UHRF2: variants seen among roughly 807,000 people sequenced by gnomAD.
The protein encoded by UHRF2 is ubiquitin like with PHD and ring finger domains 2, also known as E3 ubiquitin-protein ligase UHRF2.
A neutral mutation model predicts 96.8 loss-of-function variants in UHRF2; 23 were observed. The observed-to-expected ratio is 0.24, with a 90% confidence interval of 0.17 to 0.34. The LOEUF (loss-of-function observed/expected upper bound fraction) is 0.34, where lower values mean the gene tolerates loss of function less well. Ranked by LOEUF, UHRF2 falls within the 10% of genes least tolerant of loss-of-function variation. UHRF2 has a pLI of 1.00. For missense variants in UHRF2, 685 were observed against 981.5 expected (o/e 0.70, Z 4.04); for synonymous variants, 385 against 332.6 (o/e 1.16, Z -1.72).
intron 3 of UHRF2, among the ~76,000 whole-genome samples, chr9:6,458,705 C>T (rs1822331172): frequency 6.6e-6 from 1 of 152,124 alleles, no homozygotes; most frequent in South Asian, 2.1e-4. Context: ...CCAGCAGTCC[C>T]ATTACTGGGT....
chr9:6,503,398 C>T (rs1816401640), intron 14 of UHRF2, among the ~76,000 whole-genome samples: 1 of 150,862 alleles, frequency 6.6e-6, no homozygotes, highest in South Asian at 2.1e-4. Context: ...AACTAGTTTT[C>T]CTTCTAGCTT....
At chr9:6,460,979 A>C (rs1822501610) in intron 4 of UHRF2, among the ~76,000 whole-genome samples, 188 bp downstream of exon 4, 1 of 152,236 alleles carries the variant, frequency 6.6e-6, no homozygotes, top group Non-Finnish European at 1.5e-5. Context: ...TTAGATCTTC[A>C]ACTTTAAGGT....
chr9:6,446,838 C>G (rs1452658863), intron 3 of UHRF2, among the ~76,000 whole-genome samples: 1 of 151,762 alleles, frequency 6.6e-6, no homozygotes, highest in Non-Finnish European at 1.5e-5. Flanking sequence ...GAGTGAGACT[C>G]TGTCTCAAAA....
chr9:6,433,882 A>G (rs1820689412), intron 2 of UHRF2, 32 bp from the exon 3 acceptor site: 1 of 1,583,788 alleles, frequency 6.3e-7, no homozygotes, highest in African/African-American at 1.4e-5. Flanking sequence ...GACAAAATTA[A>G]GCTTCATTAA....
intron 8 of UHRF2, among the ~76,000 whole-genome samples, chr9:6,485,994 T>C (rs1013258995): frequency 3.3e-5 from 5 of 151,970 alleles, no homozygotes; most frequent in African/African-American, 1.2e-4. Flanking sequence ...GTTTGGGTAA[T>C]ATTGAGTAGT....
intron 9 of UHRF2, chr9:6,492,854 T>A (rs1440674114): frequency 6.7e-6 from 1 of 148,946 alleles, no homozygotes; most frequent in Non-Finnish European, 1.5e-5. Flanking sequence ...TTTTTTTTTT[T>A]ACATTTAGTA....
At chr9:6,471,853 A>T (rs1823259923) in intron 4 of UHRF2, among the ~76,000 whole-genome samples, 1 of 152,220 alleles carries the variant, frequency 6.6e-6, no homozygotes, top group African/African-American at 2.4e-5. Context: ...TGGTGGGAAT[A>T]GGTTCCAAAC....
chr9:6,481,867 A>G (rs546732206), intron 7 of UHRF2, 101 bp downstream of exon 7: 15 of 1,531,282 alleles, frequency 9.8e-6, no homozygotes, highest in South Asian at 1.3e-5. Flanking sequence ...CAGTATCATT[A>G]TTTGTTAATA....
intron 2 of UHRF2, among the ~76,000 whole-genome samples, chr9:6,430,808 C>G (rs1007476101): frequency 6.6e-6 from 1 of 152,218 alleles, no homozygotes; most frequent in African/African-American, 2.4e-5. Flanking sequence ...CCTCTGCCTC[C>G]TGACCAAACC....
chr9:6,482,111 C>G lies in UHRF2; in HGVS notation c.1392+12C>G. 2 of 1,609,126 alleles carry G rather than the reference C, an allele frequency of 1.2e-6. No homozygotes were observed. The highest frequency in any genetic ancestry group is 1.7e-6 in the Non-Finnish European group (2 of 1,175,954). On this transcript the variant is annotated intron_variant, in intron 8 of 15. Coordinates refer to ENST00000276893, the MANE Select transcript of UHRF2 (RefSeq NM_152896.3). ...GATTTAGAGTTCAGGTATGTTTTAACTTGGGCTTAGTTGAAAGGGGAGAAT... is the reference window on the plus strand; with the variant it reads ...GATTTAGAGTTCAGGTATGTTTTAAGTTGGGCTTAGTTGAAAGGGGAGAAT...
Position 6,497,202 on chromosome 9 carries a change from T to C in UHRF2, c.1609T>C (p.Leu537=). ...GACTTCTTTGTTGTTTTTTAGGGCA[T>C]TGGCCCTAAACTGTGATGCTCCATT... ...DQTLTNMNRA[L]ALNCDAPLDD... Residue 537 remains leucine (L), a synonymous_variant, in exon 11 of 16, where the codon TTG becomes CTG. Coordinates refer to ENST00000276893, the MANE Select transcript of UHRF2 (RefSeq NM_152896.3). 1 of 1,613,170 alleles carries C rather than the reference T, an allele frequency of 6.2e-7. No individual in the cohort carries two copies. Among genetic ancestry groups the C allele is most frequent in the Non-Finnish European group, 8.5e-7 (1 of 1,179,598 alleles).
At chr9:6,480,751 G>A (rs16924628) in intron 6 of UHRF2, among the ~76,000 whole-genome samples, 1,908 of 152,244 alleles carry the variant, frequency 0.013, 39 homozygotes, top group African/African-American at 0.043. Flanking sequence ...CAACTAGAAA[G>A]GACTTTACTT....
chr9:6,422,958 C>T (rs2130728942), intron 2 of UHRF2: 2 of 298,062 alleles, frequency 6.7e-6, no homozygotes, highest in East Asian at 1.1e-4. Context: ...CTTTTCAAAT[C>T]TAATAAATTG....
At chr9:6,445,596 C>T (rs989582367) in intron 3 of UHRF2, among the ~76,000 whole-genome samples, 4 of 152,136 alleles carry the variant, frequency 2.6e-5, no homozygotes, top group Admixed American at 2.0e-4. Context: ...CTTACTGTGT[C>T]ACACAGGTTG....
At chr9:6,414,585 T>A (rs1255858641) in intron 1 of UHRF2, among the ~76,000 whole-genome samples, 1 of 152,212 alleles carries the variant, frequency 6.6e-6, no homozygotes, top group Non-Finnish European at 1.5e-5. Context: ...TTCTTTGTCT[T>A]CATGTTGTTG....
At chr9:6,429,720 G>A (rs1820465980) in intron 2 of UHRF2, among the ~76,000 whole-genome samples, 1 of 152,210 alleles carries the variant, frequency 6.6e-6, no homozygotes. Flanking sequence ...TATGCTTGCT[G>A]GGTTGGCACG....
intron 2 of UHRF2, among the ~76,000 whole-genome samples, chr9:6,425,971 G>C (rs116801368): frequency 0.01 from 1,575 of 152,280 alleles, 34 homozygotes; most frequent in African/African-American, 0.037. Flanking sequence ...CCAGAGTTTA[G>C]AAGCTGCTGC....
rs184501897 is a variant in UHRF2 at position 6,482,437 on chromosome 9, C to T, written c.1392+338C>T. Among the ~76,000 whole-genome samples the T allele has an allele frequency of 5.9e-5, 9 of 152,236 alleles. No individual in the cohort carries two copies. In the East Asian group the frequency reaches 1.2e-3, roughly 20 times the overall value. On this transcript the variant is annotated intron_variant, in intron 8 of 15. Coordinates refer to ENST00000276893, the MANE Select transcript of UHRF2 (RefSeq NM_152896.3). ...CATGTGGCAAATTCTCATTGAATGT[C>T]GTGGAACTCTAAGCTTGTTTCAGGT...
At chr9:6,461,444 C>G (rs1481913978) in intron 4 of UHRF2, among the ~76,000 whole-genome samples, 2 of 143,200 alleles carry the variant, frequency 1.4e-5, no homozygotes, top group Non-Finnish European at 3.0e-5. Context: ...ATGATCTTGG[C>G]TCACTGTAAC....
Sources: gnomAD v4.1 joint callset for allele counts (sites outside exome capture counted in the v4.1 genomes callset) on GRCh38, gnomAD v4.1.1 for gene constraint, MANE v1.5 for transcripts, NCBI Gene and HGNC (gene_info 2026-07-23, HGNC 2026-07-21) for gene names.